NCOR1: variants seen among roughly 807,000 people sequenced by gnomAD.
NCOR1 encodes the protein nuclear receptor corepressor 1, also known as protein phosphatase 1, regulatory subunit 109.
Under a neutral mutation model 288.1 loss-of-function variants are expected in NCOR1, and 63 were observed. The ratio of observed to expected loss-of-function variants is 0.22; its 90% CI spans 0.18 to 0.27. The LOEUF is 0.27. NCOR1 is among the 10% of genes least tolerant of loss of function. The probability of loss-of-function intolerance (pLI) is 1.00; values close to 1 mark genes in which losing one functional copy is unlikely to be tolerated. For synonymous variants in NCOR1, 1,007 were observed against 1,065.9 expected (o/e 0.94, Z 1.08); for missense variants, 2,397 against 3,019.2 (o/e 0.79, Z 4.83).
intron 14 of NCOR1, among the ~76,000 whole-genome samples, chr17:16,134,950 G>C (rs1382963386): frequency 6.6e-6 from 1 of 152,088 alleles, no homozygotes; most frequent in South Asian, 2.1e-4. Flanking sequence ...ACGAGGTCAG[G>C]AGATCGAGAC....
intron 8 of NCOR1, among the ~76,000 whole-genome samples, chr17:16,150,874 G>C (rs915117144): frequency 1.3e-5 from 2 of 152,010 alleles, no homozygotes; most frequent in African/African-American, 2.4e-5. Context: ...CAGAAAAATT[G>C]ACAAATACAT....
intron 37 of NCOR1, among the ~76,000 whole-genome samples, chr17:16,060,005 A>T (rs984595682): frequency 6.6e-6 from 1 of 152,250 alleles, no homozygotes; most frequent in African/African-American, 2.4e-5. Flanking sequence ...TGTATTCAAC[A>T]TCCTAAATCT....
At position 16,140,231 on chromosome 17, in the gene NCOR1, T is replaced by C. The variant is rs183509376; in HGVS notation, c.1174-1045A>G. Among the ~76,000 whole-genome samples, 5 of 152,332 alleles carry C rather than the reference T, an allele frequency of 3.3e-5. No homozygotes were observed. In the East Asian group the frequency reaches 9.6e-4, roughly 29 times the overall value. ...AAAGAGCAAATAAATTTAACAGAGA[T>C]TTACTCGTCATTGTAGAAATAATGG... On this transcript the variant is annotated intron_variant, in intron 11 of 45. Transcript: ENST00000268712.
At chr17:16,123,484 G>A (rs139688271) in intron 15 of NCOR1, among the ~76,000 whole-genome samples, 1 of 152,142 alleles carries the variant, frequency 6.6e-6, no homozygotes, top group African/African-American at 2.4e-5. Context: ...GATAGCTTTG[G>A]CAATAAACCA....
intron 6 of NCOR1, among the ~76,000 whole-genome samples, chr17:16,153,830 G>A (rs1163555525): frequency 1.3e-5 from 2 of 151,818 alleles, no homozygotes; most frequent in South Asian, 2.1e-4. Flanking sequence ...ACCATAAAAT[G>A]GCCACTCTTT....
chr17:16,121,700 A>T (rs1170219832), intron 15 of NCOR1, among the ~76,000 whole-genome samples: 1 of 152,232 alleles, frequency 6.6e-6, no homozygotes, highest in Non-Finnish European at 1.5e-5. Flanking sequence ...TCTTCATGAT[A>T]GATGCCTTTT....
intron 44 of NCOR1, among the ~76,000 whole-genome samples, chr17:16,038,634 C>T (rs1047655804): frequency 6.6e-6 from 1 of 152,030 alleles, no homozygotes; most frequent in Admixed American, 6.5e-5. Context: ...ACGGGGTTTT[C>T]ATCATGTTGC....
chr17:16,153,293 C>CA, intron 7 of NCOR1, 46 bp downstream of exon 7: 1 of 1,416,586 alleles, frequency 7.1e-7, no homozygotes. Context: ...AAACTACCAC[C>CA]AAAAATTAAA....
rs1183742719 is a variant in NCOR1 at position 16,121,163 on chromosome 17, G to A, written c.1741C>T (p.Arg581Cys). The A allele has an allele frequency of 3.1e-6, 5 of 1,614,058 alleles. No homozygotes were observed. The highest frequency in any genetic ancestry group is 1.7e-5 in the Admixed American group (1 of 60,018). ...GRKTANSQGRRKGRITRSMTN... is the reference protein window; with the variant it reads ...GRKTANSQGRCKGRITRSMTN... ...ATGGACCTGGTGATCCGGCCCTTAC[G>A]GCGGCCCTGACTGTTGGCAGTCTTT... Residue 581 changes from arginine to cysteine, a missense_variant, in exon 16 of 46, where the codon CGT (arginine) becomes TGT (cysteine). Arg to Cys is a radical substitution (Grantham distance 180). This residue lies in a region of NCOR1 where 113 missense variants were observed against 139.5 expected (regional missense o/e 0.81). Coordinates refer to ENST00000268712, the MANE Select transcript of NCOR1 (RefSeq NM_006311.4).
chr17:16,175,322 G>A (rs900444063), intron 3 of NCOR1, among the ~76,000 whole-genome samples: 2 of 151,386 alleles, frequency 1.3e-5, no homozygotes, highest in Non-Finnish European at 2.9e-5. Context: ...TCAAGATCAC[G>A]CCACTGCACA....
intron 32 of NCOR1, among the ~76,000 whole-genome samples, chr17:16,066,367 A>C (rs59172522): frequency 0.048 from 7,353 of 152,262 alleles, 203 homozygotes; most frequent in African/African-American, 0.087. Flanking sequence ...TGTAGTTTTT[A>C]GCAACCCCTA....
At chr17:16,152,552 A>G (rs2153384480) in intron 7 of NCOR1, among the ~76,000 whole-genome samples, 1 of 152,314 alleles carries the variant, frequency 6.6e-6, no homozygotes, top group African/African-American at 2.4e-5. Flanking sequence ...CCAGTCTATC[A>G]TTGATGGACA....
intron 3 of NCOR1, among the ~76,000 whole-genome samples, chr17:16,176,868 T>C (rs1196709089): frequency 1.3e-5 from 2 of 152,042 alleles, no homozygotes; most frequent in Non-Finnish European, 2.9e-5. Flanking sequence ...ATTCTTTCTG[T>C]ATAAATTTTC....
chr17:16,051,219 T>A (rs1390949654), intron 40 of NCOR1, among the ~76,000 whole-genome samples: 1 of 152,188 alleles, frequency 6.6e-6, no homozygotes, highest in Non-Finnish European at 1.5e-5. Flanking sequence ...ATGAAGAAAT[T>A]AGCACACATA....
At chr17:16,085,247 C>T (rs1404599942) in intron 23 of NCOR1, among the ~76,000 whole-genome samples, 2 of 152,158 alleles carry the variant, frequency 1.3e-5, no homozygotes, top group Non-Finnish European at 2.9e-5. Context: ...CCAAGTATGA[C>T]TAAAATGACC....
chr17:16,039,854 G>C (rs534378079), intron 43 of NCOR1, 200 bp from the exon 44 acceptor site: 2 of 527,004 alleles, frequency 3.8e-6, no homozygotes, highest in South Asian at 2.0e-5. Context: ...GCAGTGGCGC[G>C]ATCTTGGCTC....
At chr17:16,179,315 G>A (rs1032872301) in intron 3 of NCOR1, among the ~76,000 whole-genome samples, 1 of 151,990 alleles carries the variant, frequency 6.6e-6, no homozygotes, top group East Asian at 1.9e-4. Flanking sequence ...GAAATAAAAA[G>A]GATCATAAGG....
At chr17:16,040,110 A>G in intron 43 of NCOR1, 1 of 496,768 alleles carries the variant, frequency 2.0e-6, no homozygotes, top group Admixed American at 2.3e-5. Flanking sequence ...CTTAATCCAC[A>G]GATAACTCCT....
Position 16,061,245 on chromosome 17 carries a change from TTAAA to T in NCOR1, c.5881+152_5881+155del, listed in dbSNP as rs142496591. On this transcript the variant is annotated intron_variant, in intron 37 of 45. Transcript: ENST00000268712. ...GCTTATATGTAGGAAACTGGGATAT[TTAAA>T]TAATCATAAAAACAGCAGAAGATAC... Among the ~76,000 whole-genome samples the T allele has an allele frequency of 3.1e-3, 477 of 152,294 alleles. 2 individuals are homozygous for T. Among genetic ancestry groups the T allele is most frequent in the African/African-American group, 0.011 (453 of 41,558 alleles).
Sources: allele counts gnomAD v4.1 joint callset (sites outside exome capture counted in the v4.1 genomes callset), GRCh38; gene constraint gnomAD v4.1.1; regional missense constraint gnomAD v4.1.1; transcripts MANE v1.5; gene names NCBI Gene and HGNC (gene_info 2026-07-23, HGNC 2026-07-21).